The following ZAP70 variants were observed in gnomAD, a reference collection of about 807,000 sequenced individuals.
ZAP70 encodes the protein tyrosine-protein kinase ZAP-70.
Under a neutral mutation model 65.8 loss-of-function variants are expected in ZAP70, and 27 were observed. The observed-to-expected ratio is 0.41, with a 90% CI of 0.30 to 0.57. ZAP70 has a LOEUF of 0.57. ZAP70 is among the 20% of genes least tolerant of loss of function. The pLI, the probability that ZAP70 is intolerant of heterozygous loss-of-function variation, is 0.28. For synonymous variants in ZAP70, 363 were observed against 360.8 expected, an observed-to-expected ratio of 1.01 and a Z score of -0.07; for missense variants, 696 against 870.5, an observed-to-expected ratio of 0.80 and a Z score of 2.52.
chr2:97,733,886 T>C, intron 8 of ZAP70: 1 of 545,692 alleles, frequency 1.8e-6, no homozygotes. Flanking sequence ...GAGGTCACTG[T>C]GTGTATGAGC....
At chr2:97,724,792 G>T in intron 3 of ZAP70, 1 of 1,507,208 alleles carries the variant, frequency 6.6e-7, no homozygotes, top group Non-Finnish European at 8.9e-7. Flanking sequence ...TGGCTGTTGG[G>T]GAAGATGGGC....
intron 4 of ZAP70, among the ~76,000 whole-genome samples, chr2:97,729,438 C>T (rs1308738931): frequency 6.6e-6 from 1 of 152,196 alleles, no homozygotes; most frequent in Non-Finnish European, 1.5e-5. Context: ...AATCTTGTGC[C>T]TCAGTTTCCT....
rs75703330 is a variant in ZAP70, at chr2:97,736,989, T to C, written c.1290-484T>C. Among the ~76,000 whole-genome samples the C allele has an allele frequency of 4.5e-3, 684 of 152,122 alleles. 17 individuals are homozygous for C. In the East Asian group the frequency reaches 0.068, roughly 15 times the overall value. ...CCTGCCTGGGGGTCCAGGTGAGTGA[T>C]GCTGCGGCTGCTTCCCGGTGGCAGA... On this transcript the variant is annotated intron_variant, in intron 10 of 13. Coordinates refer to ENST00000264972, the MANE Select transcript of ZAP70 (RefSeq NM_001079.4). The surrounding 1 kb of genome is among the most constrained non-coding windows in gnomAD (Gnocchi z 4.0).
intron 9 of ZAP70, 62 bp from the exon 10 acceptor site, chr2:97,735,188 G>T: frequency 6.3e-7 from 1 of 1,576,712 alleles, no homozygotes; most frequent in Non-Finnish European, 8.7e-7. Flanking sequence ...GTGGGTGGGG[G>T]TGTGGGGCCG....
chr2:97,728,246 A>G (rs1457567699), intron 4 of ZAP70, among the ~76,000 whole-genome samples: 1 of 152,224 alleles, frequency 6.6e-6, no homozygotes, highest in African/African-American at 2.4e-5. Flanking sequence ...ACTGGCGTGC[A>G]GTCTCCCAGG....
chr2:97,755,276 A>G, the ZAP70 span, among the ~76,000 whole-genome samples: 1 of 152,140 alleles, frequency 6.6e-6, no homozygotes, highest in Non-Finnish European at 1.5e-5. Context: ...AAGGGTCAAC[A>G]CACTTCTAGT....
At chr2:97,722,146 T>C (rs931655340) in intron 2 of ZAP70, among the ~76,000 whole-genome samples, 1 of 152,066 alleles carries the variant, frequency 6.6e-6, no homozygotes, top group Non-Finnish European at 1.5e-5. Context: ...AGTGGCCTGA[T>C]CTCGGCTCAA....
rs1677866456 is a variant in ZAP70, at chr2:97,736,010, AAAAT to A, written c.1289+566_1289+569del. 6.6e-6 allele frequency among the ~76,000 whole-genome samples: 1 copy of A among 152,048 alleles called. No individual in the cohort carries two copies. The highest frequency in any genetic ancestry group is 2.4e-5 in the African/African-American group (1 of 41,386). ...GGACAGAGCGAAACTCCATCTCAAA[AAAAT>A]AAATAAATAAAAATAAATAAAGGGC... is the stretch of plus-strand genomic sequence containing the variant. On this transcript the variant is annotated intron_variant, in intron 10 of 13. Coordinates refer to ENST00000264972, the MANE Select transcript of ZAP70 (RefSeq NM_001079.4). This position sits in a 1 kb window ranked among gnomAD's most constrained non-coding sequence, Gnocchi z 4.0.
chr2:97,725,045 C>T (rs1559320899), intron 3 of ZAP70, 47 bp from the exon 4 acceptor site: 2 of 1,610,008 alleles, frequency 1.2e-6, no homozygotes, highest in African/African-American at 1.3e-5. Context: ...GTTCCTGTGG[C>T]GAGCACTTGG....
At chr2:97,734,351 A>G in intron 8 of ZAP70, 169 bp from the exon 9 acceptor site, 1 of 1,434,100 alleles carries the variant, frequency 7.0e-7, no homozygotes, top group Non-Finnish European at 9.1e-7. Context: ...CCAGGAGTGT[A>G]TGCCAGTGTG....
In ZAP70 at chr2:97,724,142, C is replaced by A; in HGVS notation, c.106C>A (p.Leu36Met). 6.4e-7 allele frequency: 1 copy of A among 1,570,384 alleles called. No homozygotes were observed. Among genetic ancestry groups the A allele is most frequent in the Non-Finnish European group, 8.6e-7 (1 of 1,160,008 alleles). The part of the protein sequence containing the change: ...LAGMADGLFL[L>M]RQCLRSLGGY... The stretch of plus-strand genomic sequence containing the variant: ...GGGCATGGCGGACGGGCTCTTCCTG[C>A]TGCGCCAGTGCCTGCGCTCGCTGGG... The change falls in exon 3 of 14, where the codon CTG becomes ATG. Residue 36 changes from leucine (L) to methionine (M), a missense_variant. Physicochemically the swap from Leu to Met is conservative, Grantham distance 15. Transcript: ENST00000264972.
chr2:97,729,436 G>C (rs1381294631), intron 4 of ZAP70, among the ~76,000 whole-genome samples: 1 of 152,164 alleles, frequency 6.6e-6, no homozygotes. Flanking sequence ...ATAATCTTGT[G>C]CCTCAGTTTC....
downstream of ZAP70, among the ~76,000 whole-genome samples, chr2:97,744,334 GA>G (rs1477945819): frequency 6.6e-6 from 1 of 152,046 alleles, no homozygotes; most frequent in Non-Finnish European, 1.5e-5. Flanking sequence ...TGGACGAAGT[GA>G]AAAAAACCAA....
the ZAP70 span, among the ~76,000 whole-genome samples, chr2:97,754,431 GCT>G: frequency 6.6e-6 from 1 of 151,878 alleles, no homozygotes; most frequent in Non-Finnish European, 1.5e-5. Context: ...ATGGAGTCTT[GCT>G]CTGTCTGTCT....
chr2:97,747,512 G>A, the ZAP70 span, among the ~76,000 whole-genome samples: 1 of 152,150 alleles, frequency 6.6e-6, no homozygotes, highest in Non-Finnish European at 1.5e-5. Context: ...GTTAAGCATG[G>A]GCAAATCCAG....
chr2:97,732,897 A>G lies in ZAP70; in HGVS notation c.578A>G (p.Lys193Arg). The change falls in exon 5 of 14, where the codon AAG becomes AGG. Residue 193 changes from lysine (K) to arginine (R), a missense_variant. Physicochemically the swap from Lys to Arg is conservative, Grantham distance 26. Coordinates refer to ENST00000264972, the MANE Select transcript of ZAP70 (RefSeq NM_001079.4). Reference sequence around the variant, plus strand: ...TCCCCTGCCAGGCTGAGGCCGCGGAAGGAGCAGGGCACATACGCCCTGTCC... The same window carrying G: ...TCCCCTGCCAGGCTGAGGCCGCGGAGGGAGCAGGGCACATACGCCCTGTCC... ...TDGKFLLRPR[K>R]EQGTYALSLI... 3 of 1,613,946 alleles carry G rather than the reference A, an allele frequency of 1.9e-6. No homozygotes were observed. Among genetic ancestry groups the G allele is most frequent in the Non-Finnish European group, 8.5e-7 (1 of 1,180,018 alleles).
At chr2:97,742,944 G>A (rs541282218), downstream of ZAP70, among the ~76,000 whole-genome samples, 1 of 152,286 alleles carries the variant, frequency 6.6e-6, no homozygotes, top group South Asian at 2.1e-4. Flanking sequence ...TTTAATTCAT[G>A]TTCTAGAGGA....
chr2:97,729,040 A>G (rs564205446), intron 4 of ZAP70, among the ~76,000 whole-genome samples: 4 of 152,218 alleles, frequency 2.6e-5, no homozygotes, highest in Non-Finnish European at 5.9e-5. Context: ...GGCGTGAGCC[A>G]CCGCGCCTGG....
intron 4 of ZAP70, chr2:97,732,607 G>A (rs551232903): frequency 5.5e-6 from 3 of 546,444 alleles, no homozygotes; most frequent in Admixed American, 6.3e-5. Flanking sequence ...ACCGTGGGGG[G>A]TCAGGTATTC....
Sources: gnomAD v4.1 joint callset for allele counts (sites outside exome capture counted in the v4.1 genomes callset) on GRCh38, gnomAD v4.1.1 for gene constraint, Gnocchi (gnomAD v3.1) non-coding constraint, MANE v1.5 for transcripts, NCBI Gene and HGNC (gene_info 2026-07-23, HGNC 2026-07-21) for gene names.